The following ZNF609 variants were observed in gnomAD, a reference collection of about 807,000 sequenced individuals.
The protein encoded by ZNF609 is zinc finger protein 609.
A neutral mutation model predicts 109.5 loss-of-function variants in ZNF609; 11 were observed. That is an observed-to-expected ratio of 0.10 (90% CI 0.06 to 0.17). The LOEUF is 0.17. Ranked by LOEUF, ZNF609 falls within the 10% of genes least tolerant of loss-of-function variation. The pLI, the probability that ZNF609 is intolerant of heterozygous loss-of-function variation, is 1.00. For synonymous variants in ZNF609, 646 were observed against 662.0 expected (o/e 0.98, Z 0.37); for missense variants, 1,559 against 1,772.4 (o/e 0.88, Z 2.16).
chr15:64,548,801 C>G (rs965342766), intron 2 of ZNF609, among the ~76,000 whole-genome samples: 4 of 152,036 alleles, frequency 2.6e-5, no homozygotes, highest in Admixed American at 6.6e-5. Context: ...GCTTACAGCC[C>G]TTGAAGAGAA....
intron 2 of ZNF609, among the ~76,000 whole-genome samples, chr15:64,595,615 A>G (rs73451086): frequency 0.046 from 7,043 of 152,242 alleles, 542 homozygotes; most frequent in African/African-American, 0.16. Flanking sequence ...ACAAGCCCTA[A>G]TACAATATCC....
chr15:64,607,831 C>A (rs1305158075), intron 2 of ZNF609, among the ~76,000 whole-genome samples: 2 of 15,562 alleles, frequency 1.3e-4, no homozygotes, highest in East Asian at 7.4e-3. Context: ...TTCTTTCTTT[C>A]TTTCTTTCTT....
At position 64,674,568 on chromosome 15, in the gene ZNF609, G is replaced by T; in HGVS notation, c.1714G>T (p.Val572Leu). 1 of 1,614,132 alleles carries T rather than the reference G, an allele frequency of 6.2e-7. No homozygotes were observed. The highest frequency in any genetic ancestry group is 1.3e-5 in the African/African-American group (1 of 74,992). The stretch of plus-strand genomic sequence containing the variant: ...CTCAGCTACCCCCAAAGTTCGACTT[G>T]TAGAGCCCCATAGCCCTTCTCCTTC... Reference protein sequence around the residue: ...ARSATPKVRLVEPHSPSPSSK... With the variant: ...ARSATPKVRLLEPHSPSPSSK... Residue 572 changes from valine to leucine, a missense_variant, in exon 5 of 10, where the codon GTA (valine) becomes TTA (leucine). Coordinates refer to ENST00000326648, the MANE Select transcript of ZNF609 (RefSeq NM_015042.2).
intron 3 of ZNF609, among the ~76,000 whole-genome samples, chr15:64,647,541 T>C (rs1033354914): frequency 3.3e-5 from 5 of 152,156 alleles, no homozygotes; most frequent in African/African-American, 4.8e-5. Context: ...TTTTAACAAA[T>C]TGAGACCCTT....
In ZNF609 at chr15:64,577,200, AATAC is replaced by A. The variant is rs1477073421; in HGVS notation, c.748-45623_748-45620del. 7.6e-5 allele frequency among the ~76,000 whole-genome samples: 7 copies of A among 92,002 alleles called. 2 individuals are homozygous for A. The South Asian group carries it at 1.2e-3, about 16-fold the overall frequency. The allele number at this position is 92,002 out of a possible 152,430, so 60.4% of individuals were successfully genotyped here. A position where few individuals can be genotyped will look rare whatever the true frequency, so the allele number is the denominator to read the frequency against. On this transcript the variant is annotated intron_variant, in intron 2 of 9. Transcript: ENST00000326648. ...ACATATATGTGTATATATACACACA[AATAC>A]ATATATATGTATATATATACACACA...
In ZNF609 at chr15:64,509,934, C is replaced by T. The variant is rs759422419; in HGVS notation, c.747+9768C>T. ...AGAATGAGGATTGAAGTACTGTAGTCCCCCCAACCTTATCCTTGTTTTTGC... is the reference window on the plus strand; with the variant it reads ...AGAATGAGGATTGAAGTACTGTAGTTCCCCCAACCTTATCCTTGTTTTTGC... On this transcript the variant is annotated intron_variant, in intron 2 of 9. Coordinates refer to ENST00000326648, the MANE Select transcript of ZNF609 (RefSeq NM_015042.2). Among the ~76,000 whole-genome samples the T allele has an allele frequency of 2.6e-5, 4 of 152,266 alleles. 1 individual carries two copies. In the South Asian group the frequency reaches 6.2e-4, roughly 24 times the overall value.
intron 1 of ZNF609, among the ~76,000 whole-genome samples, chr15:64,485,703 G>A (rs2140340502): frequency 6.6e-6 from 1 of 152,258 alleles, no homozygotes; most frequent in Non-Finnish European, 1.5e-5. Context: ...TATTCTGGAA[G>A]CTGAGAGGAT....
intron 2 of ZNF609, among the ~76,000 whole-genome samples, chr15:64,553,418 T>C (rs1395257453): frequency 6.6e-6 from 1 of 151,990 alleles, no homozygotes; most frequent in African/African-American, 2.4e-5. Flanking sequence ...TAAGTTCTCT[T>C]TACAATATTT....
intron 2 of ZNF609, among the ~76,000 whole-genome samples, chr15:64,519,779 G>C (rs888675774): frequency 6.6e-6 from 1 of 152,082 alleles, no homozygotes; most frequent in Non-Finnish European, 1.5e-5. Flanking sequence ...GTATTAAAGT[G>C]AAAGCATAGA....
chr15:64,680,042 C>T (rs1896859859), intron 6 of ZNF609, 143 bp from the exon 7 acceptor site: 6 of 855,606 alleles, frequency 7.0e-6, no homozygotes, highest in Non-Finnish European at 1.1e-5. Flanking sequence ...AAGGTCAAGC[C>T]AACAGTCTCA....
At chr15:64,508,962 G>T (rs1440859667) in intron 2 of ZNF609, among the ~76,000 whole-genome samples, 1 of 152,052 alleles carries the variant, frequency 6.6e-6, no homozygotes, top group African/African-American at 2.4e-5. Flanking sequence ...CCAAAGTGTT[G>T]GGATTACAGG....
intron 2 of ZNF609, among the ~76,000 whole-genome samples, chr15:64,515,718 C>G (rs1893796047): frequency 1.3e-5 from 2 of 152,094 alleles, no homozygotes; most frequent in Non-Finnish European, 2.9e-5. Context: ...AGGCGAATAA[C>G]CTGAGGTCAG....
intron 2 of ZNF609, chr15:64,529,259 A>G: frequency 1.4e-6 from 1 of 714,170 alleles, no homozygotes; most frequent in Non-Finnish European, 2.6e-6. Context: ...CATACTTCTC[A>G]TGGTTCACGC....
chr15:64,615,000 A>G (rs749954185), intron 2 of ZNF609, among the ~76,000 whole-genome samples: 7 of 151,350 alleles, frequency 4.6e-5, no homozygotes, highest in Non-Finnish European at 8.8e-5. Context: ...TGTATTTTCA[A>G]TAGTGACGGG....
At chr15:64,632,080 GCAGTGGCAAGATCACTGGCTCACATA>G (rs1439428994) in intron 3 of ZNF609, among the ~76,000 whole-genome samples, 1 of 152,080 alleles carries the variant, frequency 6.6e-6, no homozygotes, top group East Asian at 1.9e-4. Context: ...AGACGGGAGT[GCAGTGGCAAGATCACTGGCTCACATA>G]CAGTGGCACG....
chr15:64,610,703 G>C (rs896427022), intron 2 of ZNF609, among the ~76,000 whole-genome samples: 4 of 152,042 alleles, frequency 2.6e-5, no homozygotes, highest in African/African-American at 9.7e-5. Context: ...TAGAACAGCT[G>C]GCTTATAGCA....
chr15:64,627,349 T>G (rs1895981015), intron 3 of ZNF609, among the ~76,000 whole-genome samples: 1 of 152,198 alleles, frequency 6.6e-6, no homozygotes, highest in Non-Finnish European at 1.5e-5. Context: ...TGTGTGGTAT[T>G]TTAAAGAAAG....
At chr15:64,580,511 C>G (rs1207824277) in intron 2 of ZNF609, among the ~76,000 whole-genome samples, 1 of 151,568 alleles carries the variant, frequency 6.6e-6, no homozygotes, top group Non-Finnish European at 1.5e-5. Context: ...TAGGGCAGGT[C>G]TACTAGCAAT....
intron 2 of ZNF609, among the ~76,000 whole-genome samples, chr15:64,612,627 CTTT>C (rs60895709): frequency 0.011 from 1,454 of 132,262 alleles, 25 homozygotes; most frequent in African/African-American, 0.03. Context: ...CCAGGAGCCT[CTTT>C]TTTTTTTTTT....
Sources: gnomAD v4.1 joint callset for allele counts (sites outside exome capture counted in the v4.1 genomes callset) on GRCh38, gnomAD v4.1.1 for gene constraint, MANE v1.5 for transcripts, NCBI Gene and HGNC (gene_info 2026-07-23, HGNC 2026-07-21) for gene names.